OSBPL3: variants seen among roughly 807,000 people sequenced by gnomAD.
OSBPL3 encodes the protein oxysterol-binding protein-related protein 3.
Under a neutral mutation model 120.1 loss-of-function variants are expected in OSBPL3, and 65 were observed. That is an observed-to-expected ratio of 0.54 (90% CI 0.44 to 0.67). OSBPL3 has a LOEUF of 0.67. OSBPL3 is among the 30% of genes least tolerant of loss of function. OSBPL3 has a pLI of 0.00. For missense variants in OSBPL3, 1,004 were observed against 1,082.1 expected, an observed-to-expected ratio of 0.93 and a Z score of 1.01; for synonymous variants, 416 against 402.6, an observed-to-expected ratio of 1.03 and a Z score of -0.40.
At chr7:24,906,584 C>T (rs537396211) in intron 1 of OSBPL3, 1 of 156,166 alleles carries the variant, frequency 6.4e-6, no homozygotes, top group Admixed American at 6.5e-5. Context: ...GTCACAATCA[C>T]ACATGGACAT....
rs991137971 is a variant in OSBPL3 at position 24,871,136 on chromosome 7, T to C, written c.268-291A>G. Among the ~76,000 whole-genome samples, 1 of 152,224 alleles carries C rather than the reference T, an allele frequency of 6.6e-6. No individual in the cohort carries two copies. Among genetic ancestry groups the C allele is most frequent in the Admixed American group, 6.5e-5 (1 of 15,288 alleles). On this transcript the variant is annotated intron_variant, in intron 4 of 22. Transcript: ENST00000313367. The surrounding 1 kb of genome is among the most constrained non-coding windows in gnomAD (Gnocchi z 4.8). ...TGAGGAAACAAAAGAGTAAGCACCG[T>C]GGGTTGACTCCCATGGCAGTGAATT... is the stretch of plus-strand genomic sequence containing the variant.
At position 24,867,109 on chromosome 7, in the gene OSBPL3, A is replaced by G. The variant is rs937476389; in HGVS notation, c.382-872T>C. Among the ~76,000 whole-genome samples the G allele has an allele frequency of 2.0e-5, 3 of 152,184 alleles. No homozygotes were observed. Among genetic ancestry groups the G allele is most frequent in the African/African-American group, 7.2e-5 (3 of 41,452 alleles). On this transcript the variant is annotated intron_variant, in intron 5 of 22. Transcript: ENST00000313367. This position sits in a 1 kb window ranked among gnomAD's most constrained non-coding sequence, Gnocchi z 4.5. The stretch of plus-strand genomic sequence containing the variant: ...GCCACCACACCTGGCCTGTTATGCT[A>G]TTTTTAAGAAAACAGAACAGTGCCA...
intron 1 of OSBPL3, among the ~76,000 whole-genome samples, chr7:24,941,024 T>G (rs1447794415): frequency 1.3e-5 from 2 of 152,172 alleles, no homozygotes; most frequent in African/African-American, 4.8e-5. Flanking sequence ...TTTCACCATG[T>G]TAGCCAGGAT....
rs1372594392 is a variant in OSBPL3, at chr7:24,916,231, T to C, written c.-149-23610A>G. On this transcript the variant is annotated intron_variant, in intron 1 of 22. Coordinates refer to ENST00000313367, the MANE Select transcript of OSBPL3 (RefSeq NM_015550.4). The surrounding 1 kb of genome is among the most constrained non-coding windows in gnomAD (Gnocchi z 4.9). ...TCTTTCCCTTTTGTTAAATTCAAGA[T>C]CAAATTGAATGTTTTACTTTTAAAG... 6.6e-6 allele frequency among the ~76,000 whole-genome samples: 1 copy of C among 152,182 alleles called. No individual in the cohort carries two copies. Among genetic ancestry groups the C allele is most frequent in the Non-Finnish European group, 1.5e-5 (1 of 68,024 alleles).
chr7:24,805,503 A>G lies in OSBPL3; in HGVS notation c.2445-1066T>C, dbSNP rs1792916272. Among the ~76,000 whole-genome samples the G allele has an allele frequency of 6.6e-6, 1 of 152,200 alleles. No individual in the cohort carries two copies. Among genetic ancestry groups the G allele is most frequent in the African/African-American group, 2.4e-5 (1 of 41,460 alleles). Reference sequence around the variant, plus strand: ...TTCTTTAAACACCACATACGTTATTAATATATACTGTATATTTCCAATTAA... The same window carrying G: ...TTCTTTAAACACCACATACGTTATTGATATATACTGTATATTTCCAATTAA... On this transcript the variant is annotated intron_variant, in intron 21 of 22. Transcript: ENST00000313367. The surrounding 1 kb of genome is among the most constrained non-coding windows in gnomAD (Gnocchi z 4.0).
At position 24,852,485 on chromosome 7, in the gene OSBPL3, A is replaced by G; in HGVS notation, c.1158+19T>C. 1 of 1,541,160 alleles carries G rather than the reference A, an allele frequency of 6.5e-7. No homozygotes were observed. The highest frequency in any genetic ancestry group is 2.3e-5 in the East Asian group (1 of 43,248). On this transcript the variant is annotated intron_variant, in intron 11 of 22. Coordinates refer to ENST00000313367, the MANE Select transcript of OSBPL3 (RefSeq NM_015550.4). The surrounding 1 kb of genome is among the most constrained non-coding windows in gnomAD (Gnocchi z 4.1). ...CTGGACACATCTCAGGCATTCCTGG[A>G]GGCAGACATGTAACTTACGGATGAC...
At chr7:24,840,522 C>T (rs907861940) in intron 14 of OSBPL3, among the ~76,000 whole-genome samples, 168 bp downstream of exon 14, 1 of 152,052 alleles carries the variant, frequency 6.6e-6, no homozygotes, top group African/African-American at 2.4e-5. Flanking sequence ...ATGTGTTAAT[C>T]GAATGTTAGT....
intron 2 of OSBPL3, among the ~76,000 whole-genome samples, chr7:24,885,919 G>T (rs1432258446): frequency 6.6e-6 from 1 of 152,154 alleles, no homozygotes; most frequent in Non-Finnish European, 1.5e-5. Flanking sequence ...GTGTTACTTT[G>T]AAAATTCTAG....
intron 10 of OSBPL3, among the ~76,000 whole-genome samples, chr7:24,856,468 GAAAGAATA>G (rs1356615821): frequency 6.6e-6 from 1 of 152,044 alleles, no homozygotes. Flanking sequence ...TCAGCATCAG[GAAAGAATA>G]AGATCTTGGA....
intron 1 of OSBPL3, among the ~76,000 whole-genome samples, chr7:24,963,155 T>C (rs1815979016): frequency 6.6e-6 from 1 of 152,204 alleles, no homozygotes; most frequent in African/African-American, 2.4e-5. Context: ...TAAAAACCTG[T>C]CTGCTCAGTT....
rs1225786554 is a variant in OSBPL3 at position 24,965,175 on chromosome 7, T to A, written c.-150+14711A>T. 1.3e-5 allele frequency among the ~76,000 whole-genome samples: 2 copies of A among 152,200 alleles called. No individual in the cohort carries two copies. The highest frequency in any genetic ancestry group is 2.9e-5 in the Non-Finnish European group (2 of 68,032). On this transcript the variant is annotated intron_variant, in intron 1 of 22. Coordinates refer to ENST00000313367, the MANE Select transcript of OSBPL3 (RefSeq NM_015550.4). This position sits in a 1 kb window ranked among gnomAD's most constrained non-coding sequence, Gnocchi z 4.3. ...AATGCATGAGCGAAAGGATTCTACA[T>A]CTCCCTAATTTTGTTTTGTCTCAAA... is the stretch of plus-strand genomic sequence containing the variant.
intron 12 of OSBPL3, among the ~76,000 whole-genome samples, chr7:24,843,825 G>A (rs1798073310): frequency 6.6e-6 from 1 of 152,168 alleles, no homozygotes; most frequent in African/African-American, 2.4e-5. Context: ...AAAGAGCCAG[G>A]CATAAAGCTA....
chr7:24,861,393 G>A (rs1800510590), intron 10 of OSBPL3, among the ~76,000 whole-genome samples: 1 of 152,146 alleles, frequency 6.6e-6, no homozygotes, highest in South Asian at 2.1e-4. Context: ...AGCTTTTAAA[G>A]TACTAACTCT....
chr7:24,927,922 C>A (rs958984656), intron 1 of OSBPL3, among the ~76,000 whole-genome samples: 2 of 152,134 alleles, frequency 1.3e-5, no homozygotes, highest in African/African-American at 4.8e-5. Flanking sequence ...AAATTTTAAT[C>A]TCCAGTGTTG....
In OSBPL3 at chr7:24,871,887, C is replaced by A. The variant is rs888166085; in HGVS notation, c.213+66G>T. The A allele has an allele frequency of 4.6e-5, 67 of 1,471,802 alleles. No individual in the cohort carries two copies. Among genetic ancestry groups the A allele is most frequent in the Admixed American group, 2.7e-4 (16 of 59,726 alleles). The allele number at this position is 1,471,802 out of a possible 1,614,324, so 91.2% of individuals were successfully genotyped here. On this transcript the variant is annotated intron_variant, in intron 3 of 22. Transcript: ENST00000313367. The surrounding 1 kb of genome is among the most constrained non-coding windows in gnomAD (Gnocchi z 4.8). ...CCAACTAGAAATTAAATATGAGTAC[C>A]TAAGAACCAGGTGCTGAGTGGGGCA... is the stretch of plus-strand genomic sequence containing the variant.
chr7:24,951,634 A>G (rs945717311), intron 1 of OSBPL3, among the ~76,000 whole-genome samples: 2 of 152,240 alleles, frequency 1.3e-5, no homozygotes, highest in Non-Finnish European at 2.9e-5. Context: ...TCTTCCCCCA[A>G]GTTCCCCAAT....
rs1791972620 is a variant in OSBPL3 at position 24,798,726 on chromosome 7, T to C, written c.*1457A>G. ...ATTATTTTACTCTTCATTCATAACA[T>C]TCGATATGCTCTGAATTTCTTTAAG... On this transcript the variant is annotated 3_prime_UTR_variant, in exon 23 of 23. Transcript: ENST00000313367. This position sits in a 1 kb window ranked among gnomAD's most constrained non-coding sequence, Gnocchi z 4.6. 1 of 152,660 alleles carries C rather than the reference T, an allele frequency of 6.6e-6. No individual in the cohort carries two copies. Among genetic ancestry groups the C allele is most frequent in the Non-Finnish European group, 1.5e-5 (1 of 68,034 alleles). 9.5% of individuals were successfully genotyped at this position (152,660 alleles called of 1,614,324 possible). A position where few individuals can be genotyped will look rare whatever the true frequency, so the allele number is the denominator to read the frequency against.
chr7:24,920,328 A>C (rs1810243151), intron 1 of OSBPL3, among the ~76,000 whole-genome samples: 1 of 152,224 alleles, frequency 6.6e-6, no homozygotes, highest in Admixed American at 6.5e-5. Context: ...ATAGTGAGTC[A>C]TGCTACAACA....
chr7:24,854,502 GCACACA>G lies in OSBPL3; in HGVS notation c.1028-1874_1028-1869del, dbSNP rs70942889. On this transcript the variant is annotated intron_variant, in intron 10 of 22. Transcript: ENST00000313367. This position sits in a 1 kb window ranked among gnomAD's most constrained non-coding sequence, Gnocchi z 4.1. ...CACAACAATTTGTACACACACACAC[GCACACA>G]CACACACACACACACACACACACAC... Among the ~76,000 whole-genome samples, 1,710 of 131,504 alleles carry G rather than the reference GCACACA, an allele frequency of 0.013. 13 individuals are homozygous for G. Among genetic ancestry groups the G allele is most frequent in the South Asian group, 0.029 (119 of 4,160 alleles). The allele number at this position is 131,504 out of a possible 152,430, so 86.3% of individuals were successfully genotyped here.
Sources: gnomAD v4.1 joint callset for allele counts (sites outside exome capture counted in the v4.1 genomes callset) on GRCh38, gnomAD v4.1.1 for gene constraint, Gnocchi (gnomAD v3.1) non-coding constraint, MANE v1.5 for transcripts, NCBI Gene and HGNC (gene_info 2026-07-23, HGNC 2026-07-21) for gene names.